RRP8: variants seen among roughly 807,000 people sequenced by gnomAD.
RRP8 encodes the protein ribosomal RNA processing 8.
RRP8 carries 48 observed loss-of-function variants against 45.0 expected under a neutral mutation model. That is an observed-to-expected ratio of 1.07 (90% CI 0.85 to 1.36). The LOEUF is 1.36. Among genes scored for constraint, RRP8 ranks in the 40% most tolerant of loss-of-function variants. The pLI is 0.00. For synonymous variants in RRP8, 274 were observed against 212.4 expected, an observed-to-expected ratio of 1.29 and a Z score of -2.52; for missense variants, 658 against 573.7, an observed-to-expected ratio of 1.15 and a Z score of -1.50.
At position 6,600,708 on chromosome 11, in the gene RRP8, C is replaced by T. The variant is rs1339494446; in HGVS notation, c.1115G>A (p.Arg372Lys). 6 of 1,614,140 alleles carry T rather than the reference C, an allele frequency of 3.7e-6. No individual in the cohort carries two copies. Among genetic ancestry groups the T allele is most frequent in the Non-Finnish European group, 5.1e-6 (6 of 1,180,018 alleles). ...FCLSLMGTNIRDFLEEANRVL... is the reference protein window; with the variant it reads ...FCLSLMGTNIKDFLEEANRVL... Reference sequence around the variant, plus strand: ...TCTATTTGCCTCCTCTAGGAAGTCCCTGATGTTGGTTCCCATCAGTGAAAG... The same window carrying T: ...TCTATTTGCCTCCTCTAGGAAGTCCTTGATGTTGGTTCCCATCAGTGAAAG... The change falls in exon 5 of 7, where the codon AGG becomes AAG. Residue 372 changes from arginine (R) to lysine (K), a missense_variant. By Grantham distance (26) the Arg-to-Lys change is conservative. Transcript: ENST00000254605.
intron 1 of RRP8, 135 bp from the exon 2 acceptor site, chr11:6,602,350 A>T: frequency 8.9e-7 from 1 of 1,124,442 alleles, no homozygotes; most frequent in Non-Finnish European, 1.2e-6. Flanking sequence ...GCCAGAACCC[A>T]GAAGAACTTT....
chr11:6,602,076 G>T lies in RRP8; in HGVS notation c.239C>A (p.Ser80Ter), dbSNP rs1324509743. ...TACTTCAGCAGAGGCACTGGCAAAT[G>T]ATGCCTTTTTGGGGCATTTCTTCTT... Reference protein sequence around the residue: ...ERKKKCPKKASFASASAEVGK... With the variant: ...ERKKKCPKKA The change falls in exon 2 of 7, where the codon TCA (serine) becomes TAA (stop). Residue 80 changes from serine (S) to a stop codon, truncating the protein, a stop_gained. Coordinates refer to ENST00000254605, the MANE Select transcript of RRP8 (RefSeq NM_015324.4). LOFTEE classifies it high-confidence loss of function. The T allele has an allele frequency of 1.9e-6, 3 of 1,613,708 alleles. No homozygotes were observed. Among genetic ancestry groups the T allele is most frequent in the Non-Finnish European group, 2.5e-6 (3 of 1,179,704 alleles).
At position 6,601,513 on chromosome 11, in the gene RRP8, G is replaced by A. The variant is rs200715606; in HGVS notation, c.553C>T (p.Arg185Cys). Residue 185 changes from arginine (R) to cysteine (C), a missense_variant, in exon 3 of 7, where the codon CGC (arginine) becomes TGC (cysteine). By Grantham distance (180) the Arg-to-Cys change is radical. Coordinates refer to ENST00000254605, the MANE Select transcript of RRP8 (RefSeq NM_015324.4). The part of the protein sequence containing the change: ...TSPKPPHTLS[R>C]KQWRNRQKNK... ...TTTTGCCGGTTCCGCCACTGCTTGC[G>A]GCTTAATGTATGAGGGGGTTTAGGG... 1.6e-5 allele frequency: 25 copies of A among 1,611,970 alleles called. No homozygotes were observed. The African/African-American group carries it at 2.4e-4, about 15-fold the overall frequency.
rs1854236479 is a variant in RRP8 at position 6,596,885 on chromosome 11, G to A, written c.*3261C>T. 6.6e-6 allele frequency: 1 copy of A among 152,210 alleles called. No homozygotes were observed. Among genetic ancestry groups the A allele is most frequent in the South Asian group, 2.1e-4 (1 of 4,830 alleles). 9.4% of individuals were successfully genotyped at this position (152,210 alleles called of 1,614,324 possible). A position where few individuals can be genotyped will look rare whatever the true frequency, so the allele number is the denominator to read the frequency against. On this transcript the variant is annotated 3_prime_UTR_variant, in exon 7 of 7. Transcript: ENST00000254605. ...TTATTTGGAGAACTCTCAAAGGGATGCTGAACAAGCATGAGGCACGGATAA... is the reference window on the plus strand; with the variant it reads ...TTATTTGGAGAACTCTCAAAGGGATACTGAACAAGCATGAGGCACGGATAA...
chr11:6,600,459 C>G (rs1278260700), intron 6 of RRP8, 27 bp downstream of exon 6: 7 of 1,603,770 alleles, frequency 4.4e-6, no homozygotes, highest in Non-Finnish European at 6.0e-6. Flanking sequence ...GAGACAAAAA[C>G]AGGTACAGAT....
rs1245067698 is a variant in RRP8, at chr11:6,600,631, C to T, written c.1154+38G>A. ...GTAAGTGCACAGACTCATGCATGCACACATACATACATGCATCTGTGTCCT... is the reference window on the plus strand; with the variant it reads ...GTAAGTGCACAGACTCATGCATGCATACATACATACATGCATCTGTGTCCT... On this transcript the variant is annotated intron_variant, in intron 5 of 6. Transcript: ENST00000254605. 1.9e-6 allele frequency: 3 copies of T among 1,591,766 alleles called. No homozygotes were observed. In the Admixed American group the frequency reaches 5.0e-5, roughly 27 times the overall value.
In RRP8 at chr11:6,601,510, T is replaced by C. The variant is rs1427107209; in HGVS notation, c.556A>G (p.Lys186Glu). 3 of 1,612,166 alleles carry C rather than the reference T, an allele frequency of 1.9e-6. No homozygotes were observed. Among genetic ancestry groups the C allele is most frequent in the Non-Finnish European group, 2.5e-6 (3 of 1,180,024 alleles). ...TTCTTTTGCCGGTTCCGCCACTGCT[T>C]GCGGCTTAATGTATGAGGGGGTTTA... ...SPKPPHTLSRKQWRNRQKNKR... is the reference protein window; with the variant it reads ...SPKPPHTLSREQWRNRQKNKR... Residue 186 changes from lysine to glutamate, a missense_variant, in exon 3 of 7, where the codon AAG (lysine) becomes GAG (glutamate). Physicochemically the swap from Lys to Glu is moderately conservative, Grantham distance 56. Transcript: ENST00000254605.
intron 2 of RRP8, 55 bp downstream of exon 2, chr11:6,601,797 C>A: frequency 6.6e-7 from 1 of 1,524,488 alleles, no homozygotes; most frequent in South Asian, 1.3e-5. Flanking sequence ...GTAGAACCAG[C>A]TGACCCCCCG....
rs1270616037 is a variant in RRP8 at position 6,602,230 on chromosome 11, G to A, written c.100-15C>T. ...CGCTTGGAGCCCTGGAGGAAAACAG[G>A]GGATGACAGTGGGCCTAAAGAGAAT... is the stretch of plus-strand genomic sequence containing the variant. On this transcript the variant is annotated splice_polypyrimidine_tract_variant and intron_variant, in intron 1 of 6. Transcript: ENST00000254605. 2 of 1,534,398 alleles carry A rather than the reference G, an allele frequency of 1.3e-6. No individual in the cohort carries two copies. The highest frequency in any genetic ancestry group is 1.7e-6 in the Non-Finnish European group (2 of 1,147,030).
rs955881474 is a variant in RRP8 at position 6,597,084 on chromosome 11, G to A, written c.*3062C>T. The A allele has an allele frequency of 2.0e-5, 3 of 152,184 alleles. No individual in the cohort carries two copies. The highest frequency in any genetic ancestry group is 4.8e-5 in the African/African-American group (2 of 41,434). 9.4% of individuals were successfully genotyped at this position (152,184 alleles called of 1,614,324 possible). A position where few individuals can be genotyped will look rare whatever the true frequency, so the allele number is the denominator to read the frequency against. ...AATTAATTAGAATGTCTAATCCTGT[G>A]TAACAATAATCTGCACCTGTTGCAG... On this transcript the variant is annotated 3_prime_UTR_variant, in exon 7 of 7. Coordinates refer to ENST00000254605, the MANE Select transcript of RRP8 (RefSeq NM_015324.4).
rs1854400407 is a variant in RRP8 at position 6,602,061 on chromosome 11, G to A, written c.254C>T (p.Ser85Phe). The A allele has an allele frequency of 1.2e-6, 2 of 1,613,976 alleles. No individual in the cohort carries two copies. The highest frequency in any genetic ancestry group is 8.5e-7 in the Non-Finnish European group (1 of 1,179,896). The change falls in exon 2 of 7, where the codon TCT (serine) becomes TTT (phenylalanine). Residue 85 changes from serine to phenylalanine, a missense_variant. Ser to Phe is a radical substitution (Grantham distance 155). Transcript: ENST00000254605. The stretch of plus-strand genomic sequence containing the variant: ...CTTCCCTTTCTTCCCTACTTCAGCA[G>A]AGGCACTGGCAAATGATGCCTTTTT... ...CPKKASFASA[S>F]AEVGKKGKKK...
rs542058802 is a variant in RRP8 at position 6,598,375 on chromosome 11, G to A, written c.*1771C>T. 6.6e-6 allele frequency: 1 copy of A among 152,314 alleles called. No homozygotes were observed. Among genetic ancestry groups the A allele is most frequent in the East Asian group, 1.9e-4 (1 of 5,186 alleles). 9.4% of individuals were successfully genotyped at this position (152,314 alleles called of 1,614,324 possible). On this transcript the variant is annotated 3_prime_UTR_variant, in exon 7 of 7. Coordinates refer to ENST00000254605, the MANE Select transcript of RRP8 (RefSeq NM_015324.4). ...CATCTATCCCACTCAACTGGACCCT[G>A]TCATTCCTTATCTCTCCCTAGGTGA... is the stretch of plus-strand genomic sequence containing the variant.
In RRP8 at chr11:6,596,978, G is replaced by A. The variant is rs1854238038; in HGVS notation, c.*3168C>T. ...TTATTCACTGGGAGGTACTCTCCCT[G>A]CTATGGAGAAAAGCTGCAGCGAGGT... is the stretch of plus-strand genomic sequence containing the variant. On this transcript the variant is annotated 3_prime_UTR_variant, in exon 7 of 7. Coordinates refer to ENST00000254605, the MANE Select transcript of RRP8 (RefSeq NM_015324.4). The A allele has an allele frequency of 6.6e-6, 1 of 152,212 alleles. No individual in the cohort carries two copies. Among genetic ancestry groups the A allele is most frequent in the Non-Finnish European group, 1.5e-5 (1 of 68,046 alleles). 9.4% of individuals were successfully genotyped at this position (152,212 alleles called of 1,614,324 possible).
At position 6,601,291 on chromosome 11, in the gene RRP8, A is replaced by T. The variant is rs1339389037; in HGVS notation, c.775T>A (p.Tyr259Asn). Residue 259 changes from tyrosine (Y) to asparagine (N), a missense_variant, in exon 3 of 7, where the codon TAC becomes AAC. Transcript: ENST00000254605. Reference protein sequence around the residue: ...ARFRYLNEQLYSGPSSAAQRL... With the variant: ...ARFRYLNEQLNSGPSSAAQRL... Reference sequence around the variant, plus strand: ...TGTGCAGCACTGCTGGGCCCTGAGTACAACTGTTCATTGAGGTAGCGAAAT... The same window carrying T: ...TGTGCAGCACTGCTGGGCCCTGAGTTCAACTGTTCATTGAGGTAGCGAAAT... 2.5e-6 allele frequency: 4 copies of T among 1,613,282 alleles called. No individual in the cohort carries two copies. Among genetic ancestry groups the T allele is most frequent in the Non-Finnish European group, 3.4e-6 (4 of 1,179,614 alleles).
chr11:6,600,227 T>C lies in RRP8; in HGVS notation c.1290A>G (p.Gln430=), dbSNP rs761240532. 7 of 1,604,432 alleles carry C rather than the reference T, an allele frequency of 4.4e-6. No individual in the cohort carries two copies. Among genetic ancestry groups the C allele is most frequent in the Non-Finnish European group, 5.9e-6 (7 of 1,176,968 alleles). The change falls in exon 7 of 7, where the codon CAA becomes CAG. Residue 430 remains glutamine, a synonymous_variant. Coordinates refer to ENST00000254605, the MANE Select transcript of RRP8 (RefSeq NM_015324.4). ...TNSHFFLFDF[Q]KTGPPLVGPK... ...GCCCTACCAGAGGGGGCCCAGTCTTTTGGAAATCAAACAAGAAGAAATGGC... is the reference window on the plus strand; with the variant it reads ...GCCCTACCAGAGGGGGCCCAGTCTTCTGGAAATCAAACAAGAAGAAATGGC...
intron 6 of RRP8, 74 bp downstream of exon 6, chr11:6,600,412 T>C: frequency 6.9e-7 from 1 of 1,457,644 alleles, no homozygotes; most frequent in Non-Finnish European, 9.5e-7. Flanking sequence ...GCCTAAAGCC[T>C]CCTTCCTGAA....
rs750649260 is a variant in RRP8 at position 6,601,334 on chromosome 11, C to T, written c.732G>A (p.Gln244=). ...RAGALRARMA[Q]RLDGARFRYL... ...AGCGAAATCGGGCCCCATCCAGCCG[C>T]TGTGCCATGCGGGCTCGCAAAGCCC... The change falls in exon 3 of 7, where the codon CAG becomes CAA. Residue 244 remains glutamine, a synonymous_variant. Coordinates refer to ENST00000254605, the MANE Select transcript of RRP8 (RefSeq NM_015324.4). 36 of 1,613,886 alleles carry T rather than the reference C, an allele frequency of 2.2e-5. No homozygotes were observed.
rs532631309 is a variant in RRP8 at position 6,602,279 on chromosome 11, G to A, written c.100-64C>T. 5 of 1,485,188 alleles carry A rather than the reference G, an allele frequency of 3.4e-6. No homozygotes were observed. The South Asian group carries it at 5.6e-5, about 17-fold the overall frequency. The allele number at this position is 1,485,188 out of a possible 1,614,324, so 92.0% of individuals were successfully genotyped here. ...ATGGATGAGGCCTGGAGAACAAGAA[G>A]GGAGAGATGTGGACCTGATTCAGAC... On this transcript the variant is annotated intron_variant, in intron 1 of 6. Coordinates refer to ENST00000254605, the MANE Select transcript of RRP8 (RefSeq NM_015324.4).
rs1854279428 is a variant in RRP8, at chr11:6,598,936, C to G, written c.*1210G>C. The G allele has an allele frequency of 2.0e-5, 3 of 152,438 alleles. No homozygotes were observed. The highest frequency in any genetic ancestry group is 6.8e-3 in the Middle Eastern group (2 of 294). 9.4% of individuals were successfully genotyped at this position (152,438 alleles called of 1,614,324 possible). ...CCTTCCCTCAGCACCTTGCCTATAG[C>G]TTTCCCAGGACATGCTGATCTGAGT... On this transcript the variant is annotated 3_prime_UTR_variant, in exon 7 of 7. Coordinates refer to ENST00000254605, the MANE Select transcript of RRP8 (RefSeq NM_015324.4).
Sources: gnomAD v4.1 joint callset for allele counts on GRCh38, gnomAD v4.1.1 for gene constraint, MANE v1.5 for transcripts, NCBI Gene and HGNC (gene_info 2026-07-23, HGNC 2026-07-21) for gene names.